UTP4: variants seen among roughly 807,000 people sequenced by gnomAD.
UTP4 encodes U3 small nucleolar RNA-associated protein 4 homolog.
A neutral mutation model predicts 82.4 loss-of-function variants in UTP4; 45 were observed. The ratio of observed to expected loss-of-function variants is 0.55; its 90% confidence interval spans 0.43 to 0.70. The LOEUF (loss-of-function observed/expected upper bound fraction) is 0.70, where lower values mean the gene tolerates loss of function less well. UTP4 is among the 30% of genes least tolerant of loss of function. The pLI is 0.00. For missense variants in UTP4, 819 were observed against 858.3 expected (o/e 0.95, Z 0.57); for synonymous variants, 348 against 300.3 (o/e 1.16, Z -1.64).
At chr16:69,167,789 T>C (rs80161903) in intron 16 of UTP4, 7,673 of 152,334 alleles carry the variant, frequency 0.05, 262 homozygotes, top group Non-Finnish European at 0.071. Flanking sequence ...CTTTAGGAGG[T>C]TGAGGCTGGA....
At chr16:69,144,973 C>A (rs2152278624) in intron 6 of UTP4, among the ~76,000 whole-genome samples, 1 of 152,160 alleles carries the variant, frequency 6.6e-6, no homozygotes, top group Admixed American at 6.5e-5. Flanking sequence ...GAAACCCTGT[C>A]TCTACTAAAA....
chr16:69,160,821 C>T (rs1167591445), intron 13 of UTP4, among the ~76,000 whole-genome samples: 1 of 152,042 alleles, frequency 6.6e-6, no homozygotes, highest in Non-Finnish European at 1.5e-5. Context: ...ACCTTGAACT[C>T]CTGAGCTCAG....
chr16:69,165,495 C>T lies in UTP4; in HGVS notation c.1802C>T (p.Ala601Val). ...KRPMHILLHDAYMFCIIDKSL... is the reference protein window; with the variant it reads ...KRPMHILLHDVYMFCIIDKSL... ...CCGATGCACATCCTTCTCCATGATG[C>T]CTACATGTTCTGCATCATTGACAAG... is the stretch of plus-strand genomic sequence containing the variant. Residue 601 changes from alanine to valine, a missense_variant, in exon 15 of 17, where the codon GCC (alanine) becomes GTC (valine). Coordinates refer to ENST00000314423, the MANE Select transcript of UTP4 (RefSeq NM_032830.3). 7 of 1,614,016 alleles carry T rather than the reference C, an allele frequency of 4.3e-6. No individual in the cohort carries two copies. The highest frequency in any genetic ancestry group is 5.9e-6 in the Non-Finnish European group (7 of 1,179,882).
chr16:69,133,424 A>G (rs1201764773), intron 1 of UTP4, 34 bp from the exon 2 acceptor site: 2 of 1,607,702 alleles, frequency 1.2e-6, no homozygotes, highest in African/African-American at 1.3e-5. Context: ...TGCAGTTAAC[A>G]TATAGCAATA....
At chr16:69,133,952 A>G (rs1457683405) in intron 2 of UTP4, among the ~76,000 whole-genome samples, 1 of 152,226 alleles carries the variant, frequency 6.6e-6, no homozygotes, top group African/African-American at 2.4e-5. Flanking sequence ...AATTTCCTGC[A>G]GGGAGTATCA....
chr16:69,136,917 C>G (rs1962828573), intron 3 of UTP4, 30 bp downstream of exon 3: 1 of 1,591,200 alleles, frequency 6.3e-7, no homozygotes, highest in African/African-American at 1.3e-5. Context: ...TAATTCAAAC[C>G]AAAATTTCTC....
intron 13 of UTP4, among the ~76,000 whole-genome samples, chr16:69,162,675 G>C (rs1963592620): frequency 6.7e-6 from 1 of 148,914 alleles, no homozygotes; most frequent in Admixed American, 6.7e-5. Context: ...TCATGCCATT[G>C]CACTCCAGCC....
intron 8 of UTP4, among the ~76,000 whole-genome samples, chr16:69,152,618 C>T (rs1963304396): frequency 1.3e-5 from 2 of 151,432 alleles, no homozygotes; most frequent in South Asian, 4.2e-4. Flanking sequence ...TACAGGCACC[C>T]GCCACCACGC....
At chr16:69,158,160 T>C (rs955676735) in intron 12 of UTP4, among the ~76,000 whole-genome samples, 1 of 118,004 alleles carries the variant, frequency 8.5e-6, no homozygotes. Flanking sequence ...GAAAGTCAAC[T>C]CTTTTTTTTT....
intron 11 of UTP4, among the ~76,000 whole-genome samples, chr16:69,156,454 G>A (rs1181392248): frequency 7.0e-6 from 1 of 143,756 alleles, no homozygotes; most frequent in Non-Finnish European, 1.5e-5. Context: ...GTGAGCCACC[G>A]CACCCAGCCT....
At chr16:69,168,329 G>C (rs1050692624) in intron 16 of UTP4, among the ~76,000 whole-genome samples, 1 of 151,756 alleles carries the variant, frequency 6.6e-6, no homozygotes, top group Non-Finnish European at 1.5e-5. Flanking sequence ...CCAGCTACCC[G>C]GGAGGCTGAG....
chr16:69,139,361 G>A (rs1962896120), intron 4 of UTP4, among the ~76,000 whole-genome samples: 4 of 151,970 alleles, frequency 2.6e-5, no homozygotes, highest in Admixed American at 2.0e-4. Flanking sequence ...TGTCTCAGCT[G>A]GGCACGATGG....
In UTP4 at chr16:69,150,722, C is replaced by G. The variant is rs1359699223; in HGVS notation, c.910+14C>G. 13 of 1,614,220 alleles carry G rather than the reference C, an allele frequency of 8.1e-6. No individual in the cohort carries two copies. The highest frequency in any genetic ancestry group is 1.1e-5 in the Non-Finnish European group (13 of 1,180,042). On this transcript the variant is annotated intron_variant, in intron 7 of 16. Coordinates refer to ENST00000314423, the MANE Select transcript of UTP4 (RefSeq NM_032830.3). ...TGATATCTGGAGGTGGGTTCCCCCTCTGGTGAGGCTGCTGCTTTACCCTGC... is the reference window on the plus strand; with the variant it reads ...TGATATCTGGAGGTGGGTTCCCCCTGTGGTGAGGCTGCTGCTTTACCCTGC...
At chr16:69,152,666 T>C (rs1016037819) in intron 8 of UTP4, among the ~76,000 whole-genome samples, 2 of 151,978 alleles carry the variant, frequency 1.3e-5, no homozygotes, top group Non-Finnish European at 2.9e-5. Context: ...AGAGACAGGG[T>C]TTCACCATGT....
intron 1 of UTP4, 55 bp from the exon 2 acceptor site, chr16:69,133,403 A>C (rs946902857): frequency 1.3e-6 from 2 of 1,537,874 alleles, no homozygotes; most frequent in Non-Finnish European, 1.8e-6. Context: ...TGAATACTAT[A>C]TGTGACATAC....
chr16:69,167,432 G>A (rs1963729402), intron 16 of UTP4: 2 of 480,206 alleles, frequency 4.2e-6, no homozygotes, highest in Non-Finnish European at 7.6e-6. Context: ...AGAAATGTTG[G>A]CGCTGAGGGT....
intron 4 of UTP4, chr16:69,139,064 G>C (rs1460508065): frequency 6.7e-6 from 1 of 149,816 alleles, no homozygotes; most frequent in Non-Finnish European, 1.5e-5. Context: ...TGCCTCCTGG[G>C]TTCAAGCAAT....
chr16:69,134,503 A>ATT (rs1330038096), intron 2 of UTP4, among the ~76,000 whole-genome samples: 3 of 70,220 alleles, frequency 4.3e-5, no homozygotes, highest in Admixed American at 3.6e-4. Context: ...CCTTCAGGGA[A>ATT]GGCAATTCAG....
chr16:69,165,056 G>A (rs1411449632), intron 14 of UTP4, among the ~76,000 whole-genome samples: 4 of 152,030 alleles, frequency 2.6e-5, no homozygotes, highest in Non-Finnish European at 5.9e-5. Flanking sequence ...TTAGCCGGGC[G>A]TACTCGTGGG....
Sources: gnomAD v4.1 joint callset for allele counts (sites outside exome capture counted in the v4.1 genomes callset) on GRCh38, gnomAD v4.1.1 for gene constraint, MANE v1.5 for transcripts, NCBI Gene and HGNC (gene_info 2026-07-23, HGNC 2026-07-21) for gene names.